Variants in SRD5A1 observed in about 807,000 individuals in gnomAD.
SRD5A1 encodes the protein 3-oxo-5-alpha-steroid 4-dehydrogenase 1.
SRD5A1 carries 22 observed loss-of-function variants against 28.2 expected under a neutral mutation model. The observed-to-expected ratio is 0.78, with a 90% CI of 0.56 to 1.12. SRD5A1 has a LOEUF of 1.12. SRD5A1 is among the 50% of genes most tolerant of loss of function. SRD5A1 has a pLI of 0.00. For synonymous variants in SRD5A1, 151 were observed against 135.0 expected (o/e 1.12, Z -0.82); for missense variants, 300 against 346.7 (o/e 0.87, Z 1.07).
In SRD5A1 at chr5:6,670,699, A is replaced by T. The variant is rs1240109543; in HGVS notation, c.*2431A>T. The T allele has an allele frequency of 6.6e-6, 1 of 152,252 alleles. No homozygotes were observed. Among genetic ancestry groups the T allele is most frequent in the African/African-American group, 2.4e-5 (1 of 41,462 alleles). 9.4% of individuals were successfully genotyped at this position (152,252 alleles called of 1,614,324 possible). Reference sequence around the variant, plus strand: ...CTAAAATAATGTTAGGTAGAAAAAAATAACAAGAATAAAAGCAAGGAAAAG... The same window carrying T: ...CTAAAATAATGTTAGGTAGAAAAAATTAACAAGAATAAAAGCAAGGAAAAG... On this transcript the variant is annotated 3_prime_UTR_variant, in exon 5 of 5. Coordinates refer to ENST00000274192, the MANE Select transcript of SRD5A1 (RefSeq NM_001047.4).
Position 6,655,388 on chromosome 5 carries a change from G to A in SRD5A1, c.461-690G>A, listed in dbSNP as rs979200405. Among the ~76,000 whole-genome samples the A allele has an allele frequency of 3.9e-5, 6 of 152,194 alleles. No homozygotes were observed. In the East Asian group the frequency reaches 5.8e-4, roughly 15 times the overall value. ...AGTGATGAAAAATCCCTGCGGATTC[G>A]TAAGAATAGGAGAGAAAACTGGGGA... On this transcript the variant is annotated intron_variant, in intron 2 of 4. Transcript: ENST00000274192.
intron 1 of SRD5A1, among the ~76,000 whole-genome samples, chr5:6,648,475 T>C (rs948950911): frequency 1.3e-5 from 2 of 152,212 alleles, no homozygotes; most frequent in African/African-American, 4.8e-5. Context: ...CTTTGTTTCT[T>C]TTCACTCTAA....
chr5:6,645,626 C>G (rs867838987), intron 1 of SRD5A1, among the ~76,000 whole-genome samples: 1 of 139,148 alleles, frequency 7.2e-6, no homozygotes, highest in African/African-American at 2.8e-5. Context: ...ACCACAAGAG[C>G]GAAACTCCAT....
chr5:6,652,130 C>T, intron 2 of SRD5A1, 122 bp downstream of exon 2: 3 of 1,161,684 alleles, frequency 2.6e-6, no homozygotes, highest in Middle Eastern at 2.8e-4. Context: ...GAGAAAGCAG[C>T]AGCACCCCGG....
chr5:6,662,548 C>T (rs549071398), intron 3 of SRD5A1, among the ~76,000 whole-genome samples: 3 of 152,340 alleles, frequency 2.0e-5, no homozygotes, highest in African/African-American at 7.2e-5. Flanking sequence ...AGCAGGTGCA[C>T]TGGTTTATTG....
rs1739397779 is a variant in SRD5A1 at position 6,672,708 on chromosome 5, T to C, written c.*4440T>C. On this transcript the variant is annotated 3_prime_UTR_variant, in exon 5 of 5. Coordinates refer to ENST00000274192, the MANE Select transcript of SRD5A1 (RefSeq NM_001047.4). ...TCACTCTTTGCACCTCTTGCTGTGA[T>C]TGACATGGTATACCTTAAGATATAT... 1 of 152,252 alleles carries C rather than the reference T, an allele frequency of 6.6e-6. No homozygotes were observed. The highest frequency in any genetic ancestry group is 6.5e-5 in the Admixed American group (1 of 15,286). The allele number at this position is 152,252 out of a possible 1,614,324, so 9.4% of individuals were successfully genotyped here.
intron 4 of SRD5A1, among the ~76,000 whole-genome samples, chr5:6,666,121 C>G (rs1403417686): frequency 6.6e-6 from 1 of 151,928 alleles, no homozygotes; most frequent in Admixed American, 6.6e-5. Context: ...GAAAACATGC[C>G]AAGGATCTAT....
At chr5:6,658,616 C>G (rs764181499) in intron 3 of SRD5A1, among the ~76,000 whole-genome samples, 2 of 152,148 alleles carry the variant, frequency 1.3e-5, no homozygotes, top group Non-Finnish European at 2.9e-5. Flanking sequence ...CACCAGACAT[C>G]GGTGCAGATG....
chr5:6,671,711 A>T lies in SRD5A1; in HGVS notation c.*3443A>T, dbSNP rs1039416599. 7.9e-5 allele frequency: 12 copies of T among 152,148 alleles called. No individual in the cohort carries two copies. The highest frequency in any genetic ancestry group is 4.1e-4 in the South Asian group (2 of 4,832). The allele number at this position is 152,148 out of a possible 1,614,324, so 9.4% of individuals were successfully genotyped here. A position where few individuals can be genotyped will look rare whatever the true frequency, so the allele number is the denominator to read the frequency against. Reference sequence around the variant, plus strand: ...TAAGGGGGGGTGAGGAATAAAAGACAACATATATGGTATAGTATATACTAC... The same window carrying T: ...TAAGGGGGGGTGAGGAATAAAAGACTACATATATGGTATAGTATATACTAC... On this transcript the variant is annotated 3_prime_UTR_variant, in exon 5 of 5. Coordinates refer to ENST00000274192, the MANE Select transcript of SRD5A1 (RefSeq NM_001047.4).
Position 6,633,750 on chromosome 5 carries a change from G to A in SRD5A1, c.174G>A (p.Val58=). The change falls in exon 1 of 5, where the codon GTG becomes GTA. Residue 58 remains valine, a synonymous_variant. Transcript: ENST00000274192. The part of the protein sequence containing the change: ...LRVPARAAWV[V]QELPSLALPL... ...TGCCGGCGCGGGCCGCCTGGGTGGT[G>A]CAGGAGCTGCCCTCGCTGGCCCTGC... The A allele has an allele frequency of 6.3e-7, 1 of 1,596,680 alleles. No homozygotes were observed. The highest frequency in any genetic ancestry group is 8.5e-7 in the Non-Finnish European group (1 of 1,179,232).
chr5:6,651,950 C>G lies in SRD5A1; in HGVS notation c.402C>G (p.Tyr134Ter), dbSNP rs761152993. 1.2e-6 allele frequency: 2 copies of G among 1,614,184 alleles called. No homozygotes were observed. The highest frequency in any genetic ancestry group is 4.5e-5 in the East Asian group (2 of 44,892). ...GTAACGGCTATTTGCAAAGCAGATA[C>G]TTGAGCCATTGTGCAGTGTATGCTG... ...CTCNGYLQSR[Y>*]LSHCAVYADD... Residue 134 changes from tyrosine to a stop codon, truncating the protein, a stop_gained, in exon 2 of 5, where the codon TAC becomes TAG. Coordinates refer to ENST00000274192, the MANE Select transcript of SRD5A1 (RefSeq NM_001047.4). LOFTEE classifies it high-confidence loss of function.
chr5:6,667,324 G>A (rs908744614), intron 4 of SRD5A1, among the ~76,000 whole-genome samples: 2 of 152,186 alleles, frequency 1.3e-5, no homozygotes, highest in Non-Finnish European at 2.9e-5. Context: ...AAAAGTAAAC[G>A]TGGCCGCCCA....
intron 4 of SRD5A1, among the ~76,000 whole-genome samples, chr5:6,666,702 C>G (rs909638061): frequency 6.6e-6 from 1 of 152,114 alleles, no homozygotes; most frequent in Admixed American, 6.5e-5. Context: ...ATACACTTAA[C>G]CTCTTCAGCC....
chr5:6,637,093 T>C lies in SRD5A1; in HGVS notation c.293+3224T>C, dbSNP rs562033521. 3.9e-5 allele frequency among the ~76,000 whole-genome samples: 6 copies of C among 152,236 alleles called. No individual in the cohort carries two copies. In the South Asian group the frequency reaches 1.0e-3, roughly 26 times the overall value. ...TTCTGATCCCAGGGCGCTTGGGTTCTTGGGTGCAGGGGCGGCAGCGTCTCA... is the reference window on the plus strand; with the variant it reads ...TTCTGATCCCAGGGCGCTTGGGTTCCTGGGTGCAGGGGCGGCAGCGTCTCA... On this transcript the variant is annotated intron_variant, in intron 1 of 4. Coordinates refer to ENST00000274192, the MANE Select transcript of SRD5A1 (RefSeq NM_001047.4).
At chr5:6,637,024 G>A (rs1738203599) in intron 1 of SRD5A1, among the ~76,000 whole-genome samples, 1 of 152,108 alleles carries the variant, frequency 6.6e-6, no homozygotes, top group African/African-American at 2.4e-5. Flanking sequence ...AGGGCTCACG[G>A]TAGCGACAAG....
intron 2 of SRD5A1, chr5:6,653,427 C>A (rs1462052067): frequency 1.3e-5 from 2 of 152,218 alleles, no homozygotes; most frequent in Admixed American, 1.3e-4. Flanking sequence ...ACTTTATTTT[C>A]TTCTGCCCTA....
chr5:6,637,221 T>G (rs149257435), intron 1 of SRD5A1, among the ~76,000 whole-genome samples: 8 of 152,186 alleles, frequency 5.3e-5, no homozygotes, highest in Non-Finnish European at 1.2e-4. Context: ...CCTAGGGCCT[T>G]CCGAAGCCTG....
At chr5:6,666,675 A>T (rs1739193271) in intron 4 of SRD5A1, among the ~76,000 whole-genome samples, 2 of 152,214 alleles carry the variant, frequency 1.3e-5, no homozygotes, top group Non-Finnish European at 2.9e-5. Context: ...TTATTTCTAT[A>T]TAATGGTTTC....
intron 1 of SRD5A1, among the ~76,000 whole-genome samples, chr5:6,648,742 C>T (rs775029908): frequency 6.6e-6 from 1 of 152,150 alleles, no homozygotes; most frequent in Non-Finnish European, 1.5e-5. Flanking sequence ...TGTTATTACC[C>T]GCCTTCTGAA....
Sources: allele counts gnomAD v4.1 joint callset (sites outside exome capture counted in the v4.1 genomes callset), GRCh38; gene constraint gnomAD v4.1.1; transcripts MANE v1.5; gene names NCBI Gene and HGNC (gene_info 2026-07-23, HGNC 2026-07-21).